The following TMCC1 variants were observed in gnomAD, a reference collection of about 807,000 sequenced individuals.
The protein encoded by TMCC1 is transmembrane and coiled-coil domain family 1, also known as transmembrane and coiled-coil domains protein 1.
In TMCC1, 15 loss-of-function variants were observed where a neutral mutation model predicts 52.4. The observed-to-expected ratio is 0.29, with a 90% CI of 0.19 to 0.44. The LOEUF (loss-of-function observed/expected upper bound fraction) is 0.44. Among genes scored for constraint, TMCC1 ranks in the 20% least tolerant of loss-of-function variants. The pLI is 1.00. For missense variants in TMCC1, 503 were observed against 806.0 expected, an observed-to-expected ratio of 0.62 and a Z score of 4.55; for synonymous variants, 279 against 301.9, an observed-to-expected ratio of 0.92 and a Z score of 0.79.
At chr3:129,687,735 T>G (rs545960861) in intron 4 of TMCC1, among the ~76,000 whole-genome samples, 1 of 152,316 alleles carries the variant, frequency 6.6e-6, no homozygotes, top group East Asian at 1.9e-4. Context: ...CGCACAGCTA[T>G]GAAAATAGCA....
At chr3:129,876,674 G>A (rs567349889) in intron 2 of TMCC1, among the ~76,000 whole-genome samples, 1 of 152,136 alleles carries the variant, frequency 6.6e-6, no homozygotes, top group South Asian at 2.1e-4. Flanking sequence ...ACCCTGAAGG[G>A]CTGGGCGCGG....
chr3:129,736,211 T>A (rs1465407389), intron 4 of TMCC1, among the ~76,000 whole-genome samples: 1 of 152,198 alleles, frequency 6.6e-6, no homozygotes, highest in African/African-American at 2.4e-5. Context: ...GTGATCACCA[T>A]GTTCACTTGG....
At chr3:129,827,386 G>T (rs1403791005) in intron 4 of TMCC1, among the ~76,000 whole-genome samples, 1 of 152,172 alleles carries the variant, frequency 6.6e-6, no homozygotes, top group Non-Finnish European at 1.5e-5. Context: ...AACCAACTTA[G>T]TGTACTTCCA....
chr3:129,695,957 T>C (rs1576479339), intron 4 of TMCC1, among the ~76,000 whole-genome samples: 1 of 152,176 alleles, frequency 6.6e-6, no homozygotes, highest in South Asian at 2.1e-4. Context: ...TAACGTTATG[T>C]GACAAAGAAG....
intron 4 of TMCC1, among the ~76,000 whole-genome samples, chr3:129,685,066 G>T (rs765459469): frequency 6.6e-6 from 1 of 152,058 alleles, no homozygotes; most frequent in Non-Finnish European, 1.5e-5. Context: ...ACACAGGAGG[G>T]AAGCATGTAT....
intron 4 of TMCC1, among the ~76,000 whole-genome samples, chr3:129,726,385 AAAACAAAAC>A (rs1447233138): frequency 2.8e-5 from 1 of 35,832 alleles, no homozygotes; most frequent in African/African-American, 5.1e-5. Flanking sequence ...TCTCAACATT[AAAACAAAAC>A]AAACAAATAA....
intron 4 of TMCC1, among the ~76,000 whole-genome samples, chr3:129,818,765 C>G (rs928894700): frequency 1.3e-5 from 2 of 152,030 alleles, no homozygotes; most frequent in Non-Finnish European, 2.9e-5. Flanking sequence ...CTTCAACATG[C>G]CACAATTCTT....
chr3:129,686,239 G>C (rs895677519), intron 4 of TMCC1, among the ~76,000 whole-genome samples: 10 of 152,130 alleles, frequency 6.6e-5, no homozygotes, highest in African/African-American at 2.4e-4. Context: ...TTAGGCCCTG[G>C]ATCTACCTCT....
chr3:129,821,538 T>G (rs1225240988), intron 4 of TMCC1, among the ~76,000 whole-genome samples: 1 of 152,200 alleles, frequency 6.6e-6, no homozygotes, highest in Non-Finnish European at 1.5e-5. Context: ...TAAAGTTCAT[T>G]TTATGAGTTC....
At chr3:129,847,524 C>T (rs1017684824) in intron 2 of TMCC1, 21 of 152,100 alleles carry the variant, frequency 1.4e-4, no homozygotes, top group Non-Finnish European at 2.9e-4. Flanking sequence ...TTTTTATTGC[C>T]GAGTAGTATT....
chr3:129,873,610 G>T (rs887075060), intron 2 of TMCC1, among the ~76,000 whole-genome samples: 1 of 152,082 alleles, frequency 6.6e-6, no homozygotes, highest in African/African-American at 2.4e-5. Context: ...AGCCCAGGAG[G>T]TCAAGGCTGC....
intron 4 of TMCC1, among the ~76,000 whole-genome samples, chr3:129,703,641 C>T (rs892115979): frequency 1.3e-5 from 2 of 151,988 alleles, no homozygotes; most frequent in Admixed American, 6.6e-5. Flanking sequence ...AGCGTAACTA[C>T]GATAGCTGAA....
At chr3:129,785,957 CAG>C (rs1322136031) in intron 4 of TMCC1, among the ~76,000 whole-genome samples, 2 of 108,844 alleles carry the variant, frequency 1.8e-5, no homozygotes, top group Admixed American at 2.3e-4. Flanking sequence ...TTTTTTAAGA[CAG>C]AGTCTTGCTT....
chr3:129,832,953 T>C (rs915804403), intron 2 of TMCC1, 127 bp from the exon 3 acceptor site: 1 of 152,190 alleles, frequency 6.6e-6, no homozygotes, highest in Non-Finnish European at 1.5e-5. Flanking sequence ...CTCTCACTGG[T>C]AGAAGTAGGG....
chr3:129,651,896 A>T lies in TMCC1; in HGVS notation c.1648-101T>A. 8.1e-7 allele frequency: 1 copy of T among 1,229,336 alleles called. No individual in the cohort carries two copies. Among genetic ancestry groups the T allele is most frequent in the Non-Finnish European group, 1.1e-6 (1 of 903,078 alleles). 76.2% of individuals were successfully genotyped at this position (1,229,336 alleles called of 1,614,324 possible). A position where few individuals can be genotyped will look rare whatever the true frequency, so the allele number is the denominator to read the frequency against. ...GCCAGATGCATCTTGAGCAATGCCA[A>T]TGATTTTATAAATATGCTGGAGCCT... On this transcript the variant is annotated intron_variant, in intron 6 of 6. Coordinates refer to ENST00000393238, the MANE Select transcript of TMCC1 (RefSeq NM_001017395.5). The surrounding 1 kb of genome is among the most constrained non-coding windows in gnomAD (Gnocchi z 5.1).
chr3:129,802,403 T>G (rs113203628), intron 4 of TMCC1, among the ~76,000 whole-genome samples: 21 of 152,186 alleles, frequency 1.4e-4, no homozygotes, highest in Admixed American at 1.4e-3. Flanking sequence ...CTAGGAAACA[T>G]AGGCCTTCTT....
At chr3:129,892,373 G>C (rs952186573) in intron 1 of TMCC1, among the ~76,000 whole-genome samples, 23 of 152,250 alleles carry the variant, frequency 1.5e-4, no homozygotes, top group African/African-American at 5.5e-4. Context: ...CCATCTATAA[G>C]CATCGTTTTG....
intron 4 of TMCC1, among the ~76,000 whole-genome samples, chr3:129,820,282 A>G (rs140105886): frequency 6.6e-6 from 1 of 151,936 alleles, no homozygotes; most frequent in East Asian, 1.9e-4. Flanking sequence ...TAGAGATAGT[A>G]ATACTTCACA....
chr3:129,706,753 T>C (rs2048276610), intron 4 of TMCC1, among the ~76,000 whole-genome samples: 1 of 152,202 alleles, frequency 6.6e-6, no homozygotes, highest in African/African-American at 2.4e-5. Flanking sequence ...TAAGGCTTCC[T>C]AAAGTCTATA....
Sources: allele counts gnomAD v4.1 joint callset (sites outside exome capture counted in the v4.1 genomes callset), GRCh38; gene constraint gnomAD v4.1.1; non-coding constraint Gnocchi (gnomAD v3.1); transcripts MANE v1.5; gene names NCBI Gene and HGNC (gene_info 2026-07-23, HGNC 2026-07-21).